The following LCOR variants were observed in gnomAD, a reference collection of about 807,000 sequenced individuals.
LCOR encodes the protein ligand dependent nuclear receptor corepressor, also known as ligand-dependent corepressor.
In LCOR, 14 loss-of-function variants were observed where a neutral mutation model predicts 64.4. That is an observed-to-expected ratio of 0.22 (90% CI 0.14 to 0.34). The LOEUF (loss-of-function observed/expected upper bound fraction) is 0.34, where lower values mean the gene tolerates loss of function less well. Among genes scored for constraint, LCOR ranks in the 10% least tolerant of loss-of-function variants. The probability of loss-of-function intolerance (pLI) is 1.00; values close to 1 mark genes in which losing one functional copy is unlikely to be tolerated. For missense variants in LCOR, 1,686 were observed against 1,765.3 expected, an observed-to-expected ratio of 0.96 and a Z score of 0.80; for synonymous variants, 643 against 642.5, an observed-to-expected ratio of 1.00 and a Z score of -0.01.
At chr10:96,913,045 C>CT (rs1221590339) in intron 4 of LCOR, among the ~76,000 whole-genome samples, 2 of 150,010 alleles carry the variant, frequency 1.3e-5, no homozygotes, top group South Asian at 2.1e-4. Flanking sequence ...TGACATCTTT[C>CT]TTTTTTTTAA....
intron 2 of LCOR, among the ~76,000 whole-genome samples, chr10:96,865,789 G>T (rs767707182): frequency 4.0e-5 from 6 of 148,232 alleles, no homozygotes; most frequent in Non-Finnish European, 8.9e-5. Context: ...CAGGAGAATT[G>T]TTTGAACCCA....
chr10:96,939,438 T>G (rs1382426531), intron 4 of LCOR, among the ~76,000 whole-genome samples: 1 of 152,214 alleles, frequency 6.6e-6, no homozygotes, highest in Non-Finnish European at 1.5e-5. Context: ...ATGACCAAGT[T>G]TTTTAGGTAT....
Position 96,990,493 on chromosome 10 carries a change from A to G in LCOR, c.*5359A>G, listed in dbSNP as rs1039508878. On this transcript the variant is annotated 3_prime_UTR_variant, in exon 8 of 8. Coordinates refer to ENST00000421806, the MANE Select transcript of LCOR (RefSeq NM_001346516.2). ...TTCAATATAATTCATCCTTTGAAAC[A>G]TCAGAACAGAGTCCTGTATTCTACA... The G allele has an allele frequency of 6.6e-6, 1 of 152,128 alleles. No homozygotes were observed. Among genetic ancestry groups the G allele is most frequent in the Non-Finnish European group, 1.5e-5 (1 of 68,016 alleles). The allele number at this position is 152,128 out of a possible 1,614,324, so 9.4% of individuals were successfully genotyped here.
intron 4 of LCOR, among the ~76,000 whole-genome samples, chr10:96,943,566 C>T (rs1367245442): frequency 1.3e-5 from 2 of 152,142 alleles, no homozygotes; most frequent in Non-Finnish European, 2.9e-5. Context: ...TTGAGAACCA[C>T]AGTTTTAAAA....
rs770683391 is a variant in LCOR, at chr10:96,983,932, T to G, written c.3472T>G (p.Cys1158Gly). The G allele has an allele frequency of 4.3e-6, 7 of 1,614,142 alleles. No individual in the cohort carries two copies. The Admixed American group carries it at 1.2e-4, about 27-fold the overall frequency. ...GAAAAGCAAGAAAAGGTCACGGAAA[T>G]GTAGGAGTTCATTGGAGAGTCAGAA... The part of the protein sequence containing the change: ...IWKSKKRSRK[C>G]RSSLESQKCS... The change falls in exon 8 of 8, where the codon TGT becomes GGT. Residue 1158 changes from cysteine (C) to glycine (G), a missense_variant. Coordinates refer to ENST00000421806, the MANE Select transcript of LCOR (RefSeq NM_001346516.2). This position sits in a 1 kb window ranked among gnomAD's most constrained non-coding sequence, Gnocchi z 4.5.
chr10:96,880,419 GA>G, intron 2 of LCOR, among the ~76,000 whole-genome samples: 1 of 152,026 alleles, frequency 6.6e-6, no homozygotes, highest in South Asian at 2.1e-4. Flanking sequence ...TTTGTTTTGG[GA>G]AGAGTCTCAC....
chr10:96,945,927 T>C (rs11188975), intron 5 of LCOR, among the ~76,000 whole-genome samples: 1 of 151,774 alleles, frequency 6.6e-6, no homozygotes, highest in Admixed American at 6.6e-5. Flanking sequence ...AGTTTTTCTT[T>C]TTTTTTTTTT....
chr10:96,947,791 A>G (rs1275575043), intron 5 of LCOR, among the ~76,000 whole-genome samples: 2 of 152,154 alleles, frequency 1.3e-5, no homozygotes, highest in East Asian at 3.8e-4. Context: ...GTATTTAACT[A>G]AATTGAATAC....
At chr10:96,883,689 G>T (rs1456524437) in intron 2 of LCOR, among the ~76,000 whole-genome samples, 1 of 152,148 alleles carries the variant, frequency 6.6e-6, no homozygotes, top group Non-Finnish European at 1.5e-5. Context: ...CAGTCAGATT[G>T]TCTTCCTATT....
In LCOR at chr10:96,990,661, T is replaced by C; in HGVS notation, c.*5527T>C. On this transcript the variant is annotated 3_prime_UTR_variant, in exon 8 of 8. Transcript: ENST00000421806. ...GGCCCGGGGAACCACCCTGAGCACT[T>C]TGTGGAGTGTGTCCTTGCTCAGGCT... 6.6e-6 allele frequency: 1 copy of C among 152,284 alleles called. No individual in the cohort carries two copies. The allele number at this position is 152,284 out of a possible 1,614,324, so 9.4% of individuals were successfully genotyped here.
chr10:96,971,217 C>T (rs1294758152), intron 7 of LCOR, among the ~76,000 whole-genome samples: 1 of 152,168 alleles, frequency 6.6e-6, no homozygotes, highest in Non-Finnish European at 1.5e-5. Flanking sequence ...TTCAAAATTC[C>T]CTTCTTTCCC....
intron 7 of LCOR, chr10:96,955,417 A>T: frequency 6.2e-7 from 1 of 1,614,184 alleles, no homozygotes; most frequent in Non-Finnish European, 8.5e-7. Flanking sequence ...CTTTCTTGGG[A>T]GTCTCGCACT....
At chr10:96,836,993 C>CT (rs1217375296) in intron 2 of LCOR, among the ~76,000 whole-genome samples, 20,133 of 139,826 alleles carry the variant, frequency 0.14, 1,952 homozygotes, top group African/African-American at 0.27. Context: ...GACACAGATT[C>CT]TTTTTTTTTT....
intron 4 of LCOR, among the ~76,000 whole-genome samples, chr10:96,931,386 A>G (rs769674912): frequency 1.4e-4 from 22 of 151,858 alleles, no homozygotes; most frequent in Non-Finnish European, 2.8e-4. Flanking sequence ...GGTGCACACT[A>G]CCATGCCTGG....
intron 4 of LCOR, among the ~76,000 whole-genome samples, chr10:96,923,691 A>G (rs952556297): frequency 1.3e-5 from 2 of 152,228 alleles, no homozygotes; most frequent in African/African-American, 4.8e-5. Flanking sequence ...TAAGGACTAG[A>G]TTCCATGCTG....
intron 4 of LCOR, among the ~76,000 whole-genome samples, chr10:96,908,475 G>A (rs1250135065): frequency 6.6e-6 from 1 of 152,110 alleles, no homozygotes; most frequent in Non-Finnish European, 1.5e-5. Context: ...ATATACTATG[G>A]TTTCTACTTT....
In LCOR at chr10:96,847,711, G is replaced by A. The variant is rs552361242; in HGVS notation, c.-330+14232G>A. ...CCTACCTTGGCCTCCCAAAGTGGTG[G>A]GATTACAGGCGTGAACCACCCCTCC... On this transcript the variant is annotated intron_variant, in intron 2 of 7. Transcript: ENST00000421806. Among the ~76,000 whole-genome samples the A allele has an allele frequency of 4.6e-5, 7 of 152,136 alleles. 1 individual carries two copies. The highest frequency in any genetic ancestry group is 1.7e-4 in the African/African-American group (7 of 41,482).
chr10:96,959,459 T>C (rs951686266), intron 7 of LCOR: 8 of 152,194 alleles, frequency 5.3e-5, no homozygotes, highest in African/African-American at 1.2e-4. Context: ...CTTGATGTTA[T>C]AGGGTAGATA....
intron 2 of LCOR, among the ~76,000 whole-genome samples, chr10:96,833,797 T>C (rs917422772): frequency 6.6e-6 from 1 of 152,248 alleles, no homozygotes; most frequent in Non-Finnish European, 1.5e-5. Context: ...GAAGGAATTA[T>C]GCAAATCCTG....
Sources: gnomAD v4.1 joint callset for allele counts (sites outside exome capture counted in the v4.1 genomes callset) on GRCh38, gnomAD v4.1.1 for gene constraint, Gnocchi (gnomAD v3.1) non-coding constraint, MANE v1.5 for transcripts, NCBI Gene and HGNC (gene_info 2026-07-23, HGNC 2026-07-21) for gene names.